Variants in ABCB11 observed in about 807,000 individuals in gnomAD.
ABCB11 encodes the protein ATP binding cassette subfamily B member 11, also known as bile salt export pump.
ABCB11 carries 95 observed loss-of-function variants against 148.0 expected under a neutral mutation model. The ratio of observed to expected loss-of-function variants is 0.64; its 90% CI spans 0.54 to 0.76. The LOEUF (loss-of-function observed/expected upper bound fraction) is 0.76, where lower values mean the gene tolerates loss of function less well. ABCB11 is among the 30% of genes least tolerant of loss of function. The probability of loss-of-function intolerance (pLI) is 0.00; values close to 1 mark genes in which losing one functional copy is unlikely to be tolerated. For synonymous variants in ABCB11, 591 were observed against 555.4 expected (o/e 1.06, Z -0.90); for missense variants, 1,523 against 1,617.8 (o/e 0.94, Z 1.01).
intron 5 of ABCB11, among the ~76,000 whole-genome samples, chr2:169,006,408 C>T (rs73020791): frequency 0.05 from 7,641 of 152,098 alleles, 227 homozygotes; most frequent in African/African-American, 0.066. Flanking sequence ...ATAAAGGACA[C>T]TTGTGAAAAA....
At chr2:168,980,909 C>G (rs1247708409) in intron 10 of ABCB11, among the ~76,000 whole-genome samples, 1 of 152,144 alleles carries the variant, frequency 6.6e-6, no homozygotes. Flanking sequence ...TCAAGTTGGC[C>G]TCCAGAAGGA....
chr2:168,950,994 T>G, intron 19 of ABCB11, among the ~76,000 whole-genome samples: 1 of 151,610 alleles, frequency 6.6e-6, no homozygotes, highest in Non-Finnish European at 1.5e-5. Context: ...TTCTGCATAC[T>G]GCTATCCAAT....
chr2:168,985,346 T>C (rs1573940741), intron 10 of ABCB11, among the ~76,000 whole-genome samples: 1 of 152,070 alleles, frequency 6.6e-6, no homozygotes, highest in South Asian at 2.1e-4. Flanking sequence ...GGAAATTCCT[T>C]AAAGAACTGA....
Position 168,935,255 on chromosome 2 carries a change from C to A in ABCB11, c.2985G>T (p.Ala995=), listed in dbSNP as rs113923887. ...CTCCATATCTGTAGGAAGCAGAATT[C>A]GCAATAAACATGATGCACTGGGCAA... is the stretch of plus-strand genomic sequence containing the variant. ...FAFAQCIMFI[A]NSASYRYGGY... Residue 995 remains alanine (A), a synonymous_variant, in exon 23 of 28, where the codon GCG becomes GCT. Transcript: ENST00000650372. 6.2e-7 allele frequency: 1 copy of A among 1,613,912 alleles called. No individual in the cohort carries two copies. Among genetic ancestry groups the A allele is most frequent in the South Asian group, 1.1e-5 (1 of 91,068 alleles).
At chr2:168,917,829 TAGCCACTAGTGGC>T (rs1253866373), downstream of ABCB11, among the ~76,000 whole-genome samples, 7 of 152,226 alleles carry the variant, frequency 4.6e-5, no homozygotes, top group Non-Finnish European at 4.4e-5. Context: ...TCCAACATAG[TAGCCACTAGTGGC>T]TCTTGAGAAC....
chr2:168,993,865 T>C lies in ABCB11; in HGVS notation c.629A>G (p.Asn210Ser), dbSNP rs761507977. The change falls in exon 8 of 28, where the codon AAT becomes AGT. Residue 210 changes from asparagine (N) to serine (S), a missense_variant. Asn to Ser is a conservative substitution (Grantham distance 46, BLOSUM62 1). Transcript: ENST00000650372. Reference sequence around the variant, plus strand: ...GGCCATTTGGTCAGCTATGGCATCATTGATTTTATTAATATCACTAGAAAC... The same window carrying C: ...GGCCATTTGGTCAGCTATGGCATCACTGATTTTATTAATATCACTAGAAAC... ...TRFSDDINKI[N>S]DAIADQMALF... 2.5e-6 allele frequency: 4 copies of C among 1,608,260 alleles called. No individual in the cohort carries two copies. Among genetic ancestry groups the C allele is most frequent in the East Asian group, 2.2e-5 (1 of 44,660 alleles).
rs1353977501 is a variant in ABCB11 at position 168,936,407 on chromosome 2, T to C, written c.2637A>G (p.Ile879Met). ...QGAAGSQIGM[I>M]VNSFTNVTVA... is the part of the protein sequence containing the mutation. ...CAGTGACGTTAGTGAAGGAATTGACTATCATCCCGATCTGAGAGCCGGCAG... is the reference window on the plus strand; with the variant it reads ...CAGTGACGTTAGTGAAGGAATTGACCATCATCCCGATCTGAGAGCCGGCAG... The change falls in exon 22 of 28, where the codon ATA (isoleucine) becomes ATG (methionine). Residue 879 changes from isoleucine (I) to methionine (M), a missense_variant. Transcript: ENST00000650372. The C allele has an allele frequency of 6.2e-7, 1 of 1,613,878 alleles. No individual in the cohort carries two copies. Among genetic ancestry groups the C allele is most frequent in the Non-Finnish European group, 8.5e-7 (1 of 1,179,876 alleles).
At chr2:168,981,389 C>T (rs1431109021) in intron 10 of ABCB11, among the ~76,000 whole-genome samples, 1 of 152,126 alleles carries the variant, frequency 6.6e-6, no homozygotes. Flanking sequence ...CAGGTGGTTC[C>T]TCCCATAGGC....
At chr2:168,966,728 A>C (rs1693336149) in intron 17 of ABCB11, among the ~76,000 whole-genome samples, 1 of 151,904 alleles carries the variant, frequency 6.6e-6, no homozygotes. Context: ...ACATATTAAC[A>C]CTTCATTTAG....
rs552288452 is a variant in ABCB11, at chr2:168,921,606, G to A, written c.*2016C>T. 6.6e-5 allele frequency among the ~76,000 whole-genome samples: 10 copies of A among 152,014 alleles called. No individual in the cohort carries two copies. The highest frequency in any genetic ancestry group is 7.4e-5 in the Non-Finnish European group (5 of 67,958). ...GAGTGTTTTTCTAATCACTGCATTG[G>A]CTCTGTTACTTCTAATTTCCTTTCT... On this transcript the variant is annotated 3_prime_UTR_variant, in exon 28 of 28. Transcript: ENST00000650372.
At chr2:168,966,827 T>C (rs1693340177) in intron 17 of ABCB11, among the ~76,000 whole-genome samples, 1 of 151,876 alleles carries the variant, frequency 6.6e-6, no homozygotes, top group African/African-American at 2.4e-5. Context: ...CAAATCTTTC[T>C]CTGCAGGAGG....
intron 4 of ABCB11, 67 bp downstream of exon 4, chr2:169,014,236 C>CCGGG: frequency 6.4e-6 from 7 of 1,087,910 alleles, no homozygotes; most frequent in Non-Finnish European, 9.9e-6. Context: ...AGATTTAACA[C>CCGGG]TCCCCTCATG....
chr2:168,954,469 C>T (rs748619025), intron 19 of ABCB11, among the ~76,000 whole-genome samples: 1 of 151,376 alleles, frequency 6.6e-6, no homozygotes, highest in Non-Finnish European at 1.5e-5. Flanking sequence ...CTCTCCTTCA[C>T]TTATGAAGCT....
At chr2:168,990,635 A>T (rs1694483342) in intron 9 of ABCB11, among the ~76,000 whole-genome samples, 166 bp downstream of exon 9, 1 of 152,114 alleles carries the variant, frequency 6.6e-6, no homozygotes, top group Admixed American at 6.6e-5. Context: ...TTCTTATAGT[A>T]CCTAAATTAC....
At chr2:168,938,981 A>G (rs970804386) in intron 21 of ABCB11, among the ~76,000 whole-genome samples, 2 of 152,036 alleles carry the variant, frequency 1.3e-5, no homozygotes, top group African/African-American at 4.8e-5. Context: ...TCACTTATCA[A>G]TGGTACATAA....
intron 19 of ABCB11, among the ~76,000 whole-genome samples, chr2:168,951,455 G>A (rs577629180): frequency 6.6e-6 from 1 of 151,304 alleles, no homozygotes; most frequent in South Asian, 2.1e-4. Flanking sequence ...GTCCTCCTTA[G>A]GGAGATCTTT....
chr2:169,024,615 G>A (rs1558934172), intron 1 of ABCB11, among the ~76,000 whole-genome samples: 2 of 151,972 alleles, frequency 1.3e-5, no homozygotes, highest in Non-Finnish European at 2.9e-5. Context: ...ATTATTATTA[G>A]CTAGAGTGCA....
intron 14 of ABCB11, chr2:168,970,439 G>C (rs1163581357): frequency 9.5e-6 from 12 of 1,265,340 alleles, no homozygotes; most frequent in Non-Finnish European, 1.1e-5. Context: ...AGGGTTTACT[G>C]GGCTGTGTAA....
At position 168,920,928 on chromosome 2, in the gene ABCB11, T is replaced by C. The variant is rs548103483; in HGVS notation, c.*2694A>G. ...CATCAATAACTTTCAAGTATCTTAT[T>C]TGAAAATATAATTTGTACTAATTCC... On this transcript the variant is annotated 3_prime_UTR_variant, in exon 28 of 28. Transcript: ENST00000650372. Among the ~76,000 whole-genome samples, 36 of 152,358 alleles carry C rather than the reference T, an allele frequency of 2.4e-4. No homozygotes were observed. Among genetic ancestry groups the C allele is most frequent in the African/African-American group, 7.0e-4 (29 of 41,586 alleles).
Sources: gnomAD v4.1 joint callset for allele counts (sites outside exome capture counted in the v4.1 genomes callset) on GRCh38, gnomAD v4.1.1 for gene constraint, MANE v1.5 for transcripts, NCBI Gene and HGNC (gene_info 2026-07-23, HGNC 2026-07-21) for gene names.